ZNF600: variants seen among roughly 807,000 people sequenced by gnomAD.
ZNF600 encodes the protein zinc finger protein 600, also known as zinc finger protein KR-ZNF1.
In ZNF600, 4 loss-of-function variants were observed where a neutral mutation model predicts 7.3. The ratio of observed to expected loss-of-function variants is 0.55; its 90% CI spans 0.27 to 1.25. The LOEUF (loss-of-function observed/expected upper bound fraction) is 1.25, where lower values mean the gene tolerates loss of function less well. Ranked by LOEUF, ZNF600 falls within the 50% of genes most tolerant of loss-of-function variation. ZNF600 has a pLI of 0.12. For synonymous variants in ZNF600, 290 were observed against 308.9 expected, an observed-to-expected ratio of 0.94 and a Z score of 0.64; for missense variants, 911 against 922.1, an observed-to-expected ratio of 0.99 and a Z score of 0.16.
At chr19:52,795,859 C>T in the ZNF600 span, among the ~76,000 whole-genome samples, 1 of 150,754 alleles carries the variant, frequency 6.6e-6, no homozygotes, top group African/African-American at 2.4e-5. Flanking sequence ...AGCCACAGCA[C>T]CTGGCTTTTT....
chr19:52,808,006 C>A, the ZNF600 span: 6 of 1,613,066 alleles, frequency 3.7e-6, no homozygotes, highest in African/African-American at 1.3e-5. Flanking sequence ...GTTATCCTCA[C>A]CCAGGGAGAC....
chr19:52,825,904 C>T, the ZNF600 span, among the ~76,000 whole-genome samples: 1 of 152,214 alleles, frequency 6.6e-6, no homozygotes, highest in Non-Finnish European at 1.5e-5. Context: ...ACAAGAATCA[C>T]TTGAACCTGG....
chr19:52,799,048 G>T, the ZNF600 span: 1 of 533,728 alleles, frequency 1.9e-6, no homozygotes, highest in Non-Finnish European at 3.3e-6. Context: ...GAATTCTCCT[G>T]TCTTTCAAGC....
At chr19:52,794,849 T>TA in the ZNF600 span, among the ~76,000 whole-genome samples, 219 of 151,562 alleles carry the variant, frequency 1.4e-3, 1 homozygote, top group African/African-American at 5.1e-3. Flanking sequence ...GTGACACTCT[T>TA]GTCTCAAAAA....
At chr19:52,797,648 A>G in the ZNF600 span, 4 of 155,054 alleles carry the variant, frequency 2.6e-5, no homozygotes, top group East Asian at 1.9e-4. Flanking sequence ...GAATAAACAT[A>G]TAAAGGTGAG....
chr19:52,808,629 CAAA>C, the ZNF600 span, among the ~76,000 whole-genome samples: 1 of 122,234 alleles, frequency 8.2e-6, no homozygotes, highest in Non-Finnish European at 1.7e-5. Flanking sequence ...AACTCCATCT[CAAA>C]AAAAAAAAAA....
chr19:52,800,698 A>G, the ZNF600 span: 1 of 1,613,800 alleles, frequency 6.2e-7, no homozygotes, highest in East Asian at 2.2e-5. Context: ...TCACATTCAT[A>G]AGGTTTCTCT....
the ZNF600 span, chr19:52,806,161 GAGA>G: frequency 1.3e-4 from 19 of 150,944 alleles, no homozygotes; most frequent in African/African-American, 3.6e-4. Flanking sequence ...TGTTCTAGTG[GAGA>G]AGAAGAAGTC....
At chr19:52,767,868 G>A in intron 3 of ZNF600, 96 bp from the exon 6 acceptor site, 1 of 1,434,910 alleles carries the variant, frequency 7.0e-7, no homozygotes, top group Non-Finnish European at 9.2e-7. Context: ...TACTTATTTT[G>A]AACTTCCCAA....
chr19:52,776,711 T>A (rs146593915), intron 2 of ZNF600, among the ~76,000 whole-genome samples: 53 of 152,258 alleles, frequency 3.5e-4, no homozygotes, highest in African/African-American at 1.2e-3. Context: ...TTATAAAAAA[T>A]AAAACTTATT....
At chr19:52,780,209 C>T (rs2147556993) in intron 1 of ZNF600, among the ~76,000 whole-genome samples, 1 of 152,196 alleles carries the variant, frequency 6.6e-6, no homozygotes, top group East Asian at 1.9e-4. Context: ...AAACTCTGCG[C>T]CGACCACCCT....
At chr19:52,811,459 C>A in the ZNF600 span, among the ~76,000 whole-genome samples, 1 of 148,468 alleles carries the variant, frequency 6.7e-6, no homozygotes, top group Non-Finnish European at 1.5e-5. Context: ...GCGCCTCTTC[C>A]CCGCCGCCAT....
chr19:52,775,361 T>C (rs1357318666), intron 2 of ZNF600, among the ~76,000 whole-genome samples: 4 of 151,792 alleles, frequency 2.6e-5, no homozygotes, highest in South Asian at 2.1e-4. Context: ...ACCATCCTGG[T>C]CAACATGGCA....
chr19:52,777,106 C>T (rs770071092), intron 2 of ZNF600, among the ~76,000 whole-genome samples: 8 of 152,214 alleles, frequency 5.3e-5, no homozygotes, highest in Admixed American at 3.9e-4. Context: ...TTTGGCTAAG[C>T]GTGGTGGCTC....
At chr19:52,778,133 C>T (rs1215208642) in intron 2 of ZNF600, among the ~76,000 whole-genome samples, 1 of 149,078 alleles carries the variant, frequency 6.7e-6, no homozygotes, top group Non-Finnish European at 1.5e-5. Flanking sequence ...CCTGCCTCAG[C>T]CTCCTGAGTA....
At chr19:52,783,679 C>T (rs2062742042) in intron 1 of ZNF600, among the ~76,000 whole-genome samples, 1 of 152,026 alleles carries the variant, frequency 6.6e-6, no homozygotes, top group Non-Finnish European at 1.5e-5. Flanking sequence ...GCATTCTATA[C>T]ATAGCTCTTT....
the ZNF600 span, among the ~76,000 whole-genome samples, chr19:52,828,947 G>A: frequency 7.2e-5 from 11 of 152,042 alleles, no homozygotes; most frequent in African/African-American, 2.2e-4. Flanking sequence ...TGCAAGCTCT[G>A]CCTCCCAGAT....
chr19:52,820,539 C>CGT, the ZNF600 span, among the ~76,000 whole-genome samples: 3 of 152,160 alleles, frequency 2.0e-5, no homozygotes, highest in African/African-American at 4.8e-5. Context: ...GTTATAACCC[C>CGT]CTGGACCCAG....
At chr19:52,780,046 G>GT (rs1219726873) in intron 1 of ZNF600, among the ~76,000 whole-genome samples, 1 of 151,934 alleles carries the variant, frequency 6.6e-6, no homozygotes, top group Non-Finnish European at 1.5e-5. Flanking sequence ...GATTGCAACC[G>GT]TTTGTGCCAC....
Sources: gnomAD v4.1 joint callset for allele counts (sites outside exome capture counted in the v4.1 genomes callset) on GRCh38, gnomAD v4.1.1 for gene constraint, MANE v1.5 for transcripts, NCBI Gene and HGNC (gene_info 2026-07-23, HGNC 2026-07-21) for gene names.